The following CADPS2 variants were observed in gnomAD, a reference collection of about 807,000 sequenced individuals.
CADPS2 encodes calcium-dependent secretion activator 2.
Under a neutral mutation model 172.5 loss-of-function variants are expected in CADPS2, and 93 were observed. The ratio of observed to expected loss-of-function variants is 0.54; its 90% CI spans 0.46 to 0.64. The LOEUF is 0.64. CADPS2 is among the 30% of genes least tolerant of loss of function. CADPS2 has a pLI of 0.00. For synonymous variants in CADPS2, 546 were observed against 555.2 expected, an observed-to-expected ratio of 0.98 and a Z score of 0.23; for missense variants, 1,420 against 1,565.9, an observed-to-expected ratio of 0.91 and a Z score of 1.57.
intron 14 of CADPS2, among the ~76,000 whole-genome samples, chr7:122,468,229 C>T (rs973835529): frequency 2.0e-5 from 3 of 152,100 alleles, no homozygotes; most frequent in Non-Finnish European, 2.9e-5. Flanking sequence ...ATGAGCAAAA[C>T]GACTCTTTGA....
intron 1 of CADPS2, among the ~76,000 whole-genome samples, chr7:122,761,527 C>T (rs12706442): frequency 0.22 from 33,593 of 151,896 alleles, 4,022 homozygotes; most frequent in Middle Eastern, 0.31. Flanking sequence ...AAGTCTCTAA[C>T]ACAAAATCTT....
At chr7:122,594,201 G>A (rs2071372222) in intron 6 of CADPS2, among the ~76,000 whole-genome samples, 1 of 152,016 alleles carries the variant, frequency 6.6e-6, no homozygotes, top group African/African-American at 2.4e-5. Flanking sequence ...TCAGGAGGCT[G>A]AGATAGGAGG....
At chr7:122,422,916 G>A (rs556270555) in intron 17 of CADPS2, among the ~76,000 whole-genome samples, 36 of 152,068 alleles carry the variant, frequency 2.4e-4, no homozygotes, top group Admixed American at 4.6e-4. Context: ...CCGAGATCGC[G>A]CCACTGCACC....
chr7:122,671,382 G>A (rs778317741), intron 2 of CADPS2, among the ~76,000 whole-genome samples: 1 of 152,130 alleles, frequency 6.6e-6, no homozygotes, highest in African/African-American at 2.4e-5. Flanking sequence ...AATAATTAAT[G>A]AATCAGGAAG....
chr7:122,655,767 AATT>A (rs1309607742), intron 3 of CADPS2, among the ~76,000 whole-genome samples: 8 of 152,148 alleles, frequency 5.3e-5, no homozygotes, highest in Non-Finnish European at 1.2e-4. Flanking sequence ...TCTGTAAAAT[AATT>A]ATTATTATAT....
At chr7:122,543,497 T>G (rs1005344770) in intron 8 of CADPS2, among the ~76,000 whole-genome samples, 1 of 152,156 alleles carries the variant, frequency 6.6e-6, no homozygotes, top group African/African-American at 2.4e-5. Flanking sequence ...AATAAACATG[T>G]GTTGAATAAC....
intron 15 of CADPS2, among the ~76,000 whole-genome samples, chr7:122,451,064 G>C (rs1024231636): frequency 1.3e-5 from 2 of 152,196 alleles, no homozygotes; most frequent in Non-Finnish European, 2.9e-5. Flanking sequence ...GTAATACAGA[G>C]AGCAGGAGGA....
At chr7:122,863,499 G>A (rs1307517256) in intron 1 of CADPS2, among the ~76,000 whole-genome samples, 1 of 152,120 alleles carries the variant, frequency 6.6e-6, no homozygotes, top group Non-Finnish European at 1.5e-5. Context: ...TGTTTTAAAT[G>A]TCTACTAGGG....
intron 3 of CADPS2, among the ~76,000 whole-genome samples, chr7:122,660,712 C>T (rs2080433505): frequency 6.6e-6 from 1 of 151,962 alleles, no homozygotes; most frequent in Admixed American, 6.6e-5. Context: ...AGATCGAGAC[C>T]ATCCCTGCCA....
intron 2 of CADPS2, chr7:122,701,579 T>G (rs2136271598): frequency 4.5e-6 from 1 of 224,606 alleles, no homozygotes; most frequent in South Asian, 1.2e-4. Context: ...ACCCTAAAAC[T>G]TAAAGTATAA....
chr7:122,565,119 T>C (rs73433772), intron 7 of CADPS2, among the ~76,000 whole-genome samples: 4 of 151,798 alleles, frequency 2.6e-5, no homozygotes, highest in Non-Finnish European at 5.9e-5. Flanking sequence ...AATTACTTAC[T>C]CGATATGATG....
chr7:122,576,772 G>GT (rs1461058760), intron 7 of CADPS2, among the ~76,000 whole-genome samples: 123 of 136,540 alleles, frequency 9.0e-4, no homozygotes, highest in East Asian at 7.1e-3. Context: ...CAGGAGATCT[G>GT]ATTTTTTTTT....
At chr7:122,676,526 C>G (rs191722527) in intron 2 of CADPS2, 10 of 529,506 alleles carry the variant, frequency 1.9e-5, no homozygotes, top group Admixed American at 3.4e-5. Context: ...ATACAATAAG[C>G]TTATGTTCAA....
chr7:122,702,240 C>G (rs2086248569), intron 2 of CADPS2: 15 of 1,613,838 alleles, frequency 9.3e-6, no homozygotes, highest in Non-Finnish European at 1.3e-5. Context: ...GTCACATAGA[C>G]TCCTTTCTGA....
At chr7:122,386,258 A>G in intron 24 of CADPS2, 1 of 1,339,734 alleles carries the variant, frequency 7.5e-7, no homozygotes, top group Non-Finnish European at 9.9e-7. Context: ...TAATAACTCA[A>G]ATGAAATGTG....
chr7:122,578,842 G>C (rs2068411078), intron 7 of CADPS2, among the ~76,000 whole-genome samples: 1 of 152,126 alleles, frequency 6.6e-6, no homozygotes, highest in Non-Finnish European at 1.5e-5. Context: ...AATTAGGGTA[G>C]TGGGGATATT....
At chr7:122,329,767 C>T (rs2034589137) in intron 28 of CADPS2, among the ~76,000 whole-genome samples, 2 of 152,094 alleles carry the variant, frequency 1.3e-5, no homozygotes, top group African/African-American at 2.4e-5. Context: ...GGAATGAGGT[C>T]TCAATACATA....
intron 1 of CADPS2, among the ~76,000 whole-genome samples, chr7:122,810,745 A>C (rs1327357125): frequency 1.3e-5 from 2 of 152,068 alleles, no homozygotes; most frequent in East Asian, 3.9e-4. Flanking sequence ...CACACACCAC[A>C]GTGCCTGGCT....
intron 12 of CADPS2, among the ~76,000 whole-genome samples, chr7:122,477,756 C>A (rs2056870875): frequency 6.6e-6 from 1 of 152,034 alleles, no homozygotes; most frequent in African/African-American, 2.4e-5. Context: ...TGCAAATTAG[C>A]AAATCTGTCA....
Sources: gnomAD v4.1 joint callset for allele counts (sites outside exome capture counted in the v4.1 genomes callset) on GRCh38, gnomAD v4.1.1 for gene constraint, MANE v1.5 for transcripts, NCBI Gene and HGNC (gene_info 2026-07-23, HGNC 2026-07-21) for gene names.